The following MGAT4C variants were observed in gnomAD, a reference collection of about 807,000 sequenced individuals.
The protein encoded by MGAT4C is alpha-1,3-mannosyl-glycoprotein 4-beta-N-acetylglucosaminyltransferase C.
Under a neutral mutation model 40.1 loss-of-function variants are expected in MGAT4C, and 19 were observed. That is an observed-to-expected ratio of 0.47 (90% confidence interval 0.33 to 0.70). MGAT4C has a LOEUF of 0.70. Ranked by LOEUF, MGAT4C falls within the 30% of genes least tolerant of loss-of-function variation. The probability of loss-of-function intolerance (pLI) is 0.02; values close to 1 mark genes in which losing one functional copy is unlikely to be tolerated. For synonymous variants in MGAT4C, 181 were observed against 187.1 expected (o/e 0.97, Z 0.27); for missense variants, 491 against 563.2 (o/e 0.87, Z 1.30).
upstream of MGAT4C, chr12:86,838,964 A>C (rs1234094875): frequency 6.6e-6 from 1 of 152,096 alleles, no homozygotes; most frequent in Non-Finnish European, 1.5e-5. Context: ...TCTGCTCCAG[A>C]CTCTCTCATC....
At chr12:86,027,633 T>C (rs1227011136) in intron 2 of MGAT4C, among the ~76,000 whole-genome samples, 1 of 151,974 alleles carries the variant, frequency 6.6e-6, no homozygotes, top group African/African-American at 2.4e-5. Flanking sequence ...GTTAAAATAG[T>C]TTGGTTAATG....
At chr12:86,459,284 G>T (rs1957556420) in intron 2 of MGAT4C, among the ~76,000 whole-genome samples, 1 of 152,070 alleles carries the variant, frequency 6.6e-6, no homozygotes, top group Non-Finnish European at 1.5e-5. Context: ...TTGAGTGTGG[G>T]CAGAATCTGT....
intron 1 of MGAT4C, among the ~76,000 whole-genome samples, chr12:86,819,404 A>G (rs1189939732): frequency 1.3e-5 from 2 of 150,806 alleles, no homozygotes; most frequent in Non-Finnish European, 1.5e-5. Context: ...ATTCAAATGC[A>G]AAAAAGAAAA....
At chr12:86,089,189 TA>T (rs1872443501) in intron 1 of MGAT4C, among the ~76,000 whole-genome samples, 1 of 152,002 alleles carries the variant, frequency 6.6e-6, no homozygotes, top group South Asian at 2.1e-4. Flanking sequence ...AGTATAAAGC[TA>T]TTAGAATTAT....
chr12:86,335,940 C>T (rs1954779097), intron 3 of MGAT4C, among the ~76,000 whole-genome samples: 1 of 152,118 alleles, frequency 6.6e-6, no homozygotes, highest in South Asian at 2.1e-4. Flanking sequence ...TCCTCTCTTG[C>T]TGAAGCGTCC....
intron 1 of MGAT4C, among the ~76,000 whole-genome samples, chr12:86,783,148 CT>C (rs1335426253): frequency 6.6e-6 from 1 of 152,128 alleles, no homozygotes; most frequent in Non-Finnish European, 1.5e-5. Flanking sequence ...ATCATTTTCA[CT>C]TTTTCCACAA....
At chr12:86,020,138 C>G (rs1176252136) in intron 2 of MGAT4C, among the ~76,000 whole-genome samples, 1 of 152,142 alleles carries the variant, frequency 6.6e-6, no homozygotes, top group Non-Finnish European at 1.5e-5. Flanking sequence ...CATCTGCAAA[C>G]AGGGACAATT....
At chr12:86,704,553 A>C (rs1224236513) in intron 2 of MGAT4C, among the ~76,000 whole-genome samples, 1 of 152,186 alleles carries the variant, frequency 6.6e-6, no homozygotes, top group Non-Finnish European at 1.5e-5. Flanking sequence ...TATCTATAGA[A>C]TAACATATGA....
At chr12:85,988,524 G>GA (rs1844571329) in intron 3 of MGAT4C, among the ~76,000 whole-genome samples, 4 of 151,678 alleles carry the variant, frequency 2.6e-5, no homozygotes, top group African/African-American at 9.7e-5. Context: ...TTTGATTTCT[G>GA]AAATATATAA....
intron 1 of MGAT4C, among the ~76,000 whole-genome samples, chr12:86,247,698 AAC>A (rs1952091988): frequency 6.6e-6 from 1 of 152,174 alleles, no homozygotes; most frequent in African/African-American, 2.4e-5. Context: ...GAATGGCATA[AAC>A]TAAGGCTCAG....
rs1404575603 is a variant in MGAT4C at position 85,968,799 on chromosome 12, C to T, written c.*10490G>A. The T allele has an allele frequency of 1.3e-5, 2 of 151,718 alleles. No individual in the cohort carries two copies. Among genetic ancestry groups the T allele is most frequent in the African/African-American group, 4.8e-5 (2 of 41,368 alleles). The allele number at this position is 151,718 out of a possible 1,614,324, so 9.4% of individuals were successfully genotyped here. A position where few individuals can be genotyped will look rare whatever the true frequency, so the allele number is the denominator to read the frequency against. ...CTCAGGAATGGGTGAAATTCTTCCCCAGAGATGTTAATGAACAGCCAGACT... is the reference window on the plus strand; with the variant it reads ...CTCAGGAATGGGTGAAATTCTTCCCTAGAGATGTTAATGAACAGCCAGACT... On this transcript the variant is annotated 3_prime_UTR_variant, in exon 5 of 5. Coordinates refer to ENST00000611864, the MANE Select transcript of MGAT4C (RefSeq NM_001351288.2).
chr12:86,025,497 G>C (rs946057157), intron 2 of MGAT4C, among the ~76,000 whole-genome samples: 3 of 151,586 alleles, frequency 2.0e-5, no homozygotes, highest in Admixed American at 2.0e-4. Flanking sequence ...TGTCATGAGA[G>C]AATTAAACAG....
At chr12:86,833,176 C>G (rs1952966357) in intron 1 of MGAT4C, among the ~76,000 whole-genome samples, 1 of 151,794 alleles carries the variant, frequency 6.6e-6, no homozygotes, top group African/African-American at 2.4e-5. Flanking sequence ...GAAATTTGAT[C>G]AAACTTTGAA....
At chr12:86,299,162 C>G (rs977412192) in intron 4 of MGAT4C, among the ~76,000 whole-genome samples, 3 of 152,284 alleles carry the variant, frequency 2.0e-5, no homozygotes, top group South Asian at 2.1e-4. Context: ...GTCGCCCAGG[C>G]TGGAGTGCAG....
chr12:86,580,019 T>A (rs535947081), intron 2 of MGAT4C, among the ~76,000 whole-genome samples: 1 of 151,560 alleles, frequency 6.6e-6, no homozygotes, highest in East Asian at 2.0e-4. Flanking sequence ...CTTGAGGTAG[T>A]CTTCTTTGGG....
chr12:86,098,058 G>A (rs922077700), intron 1 of MGAT4C, among the ~76,000 whole-genome samples: 1 of 151,520 alleles, frequency 6.6e-6, no homozygotes, highest in African/African-American at 2.4e-5. Flanking sequence ...CTTTTCAAAT[G>A]GCTCTATGTT....
At position 86,118,778 on chromosome 12, in the gene MGAT4C, T is replaced by C. The variant is rs868231021; in HGVS notation, c.-56-69055A>G. 3.9e-4 allele frequency among the ~76,000 whole-genome samples: 59 copies of C among 152,240 alleles called. 1 individual carries two copies. In the Middle Eastern group the frequency reaches 0.014, roughly 35 times the overall value. On this transcript the variant is annotated intron_variant, in intron 1 of 4. Coordinates refer to ENST00000611864, the MANE Select transcript of MGAT4C (RefSeq NM_001351288.2). ...CTATTGTAGGTAATAAAAATGGAAT[T>C]ATAGCAAATAAAATGCATTGCTTTT...
intron 2 of MGAT4C, among the ~76,000 whole-genome samples, chr12:86,437,868 C>T (rs945282245): frequency 4.0e-5 from 6 of 151,858 alleles, no homozygotes; most frequent in East Asian, 1.9e-4. Flanking sequence ...TTCAGACTAC[C>T]GCACTGACCA....
In MGAT4C at chr12:86,307,479, T is replaced by G. The variant is rs1953963423; in HGVS notation, c.-57+26586A>C. ...AATAAGAATTATTACTATCTAGCCA[T>G]GAGCTGGAACTAATCAAAAGGGTCT... is the stretch of plus-strand genomic sequence containing the variant. On this transcript the variant is annotated intron_variant, in intron 4 of 7. Transcript: ENST00000548651. Among the ~76,000 whole-genome samples the G allele has an allele frequency of 2.7e-5, 4 of 150,308 alleles. 1 individual carries two copies. Among genetic ancestry groups the G allele is most frequent in the African/African-American group, 5.0e-5 (2 of 39,834 alleles).
Sources: gnomAD v4.1 joint callset for allele counts (sites outside exome capture counted in the v4.1 genomes callset) on GRCh38, gnomAD v4.1.1 for gene constraint, MANE v1.5 for transcripts, NCBI Gene and HGNC (gene_info 2026-07-23, HGNC 2026-07-21) for gene names.